The following SOX6 variants were observed in gnomAD, a reference collection of about 807,000 sequenced individuals.
SOX6 encodes the protein SRY-box transcription factor 6, also known as transcription factor SOX-6.
A neutral mutation model predicts 97.8 loss-of-function variants in SOX6; 11 were observed. That is an observed-to-expected ratio of 0.11 (90% CI 0.07 to 0.19). The LOEUF (loss-of-function observed/expected upper bound fraction) is 0.19. Ranked by LOEUF, SOX6 falls within the 10% of genes least tolerant of loss-of-function variation. SOX6 has a pLI of 1.00. For missense variants in SOX6, 810 were observed against 1,039.5 expected (o/e 0.78, Z 3.04); for synonymous variants, 360 against 371.4 (o/e 0.97, Z 0.35).
At chr11:16,464,529 A>T (rs577668843) in intron 1 of SOX6, among the ~76,000 whole-genome samples, 4 of 152,178 alleles carry the variant, frequency 2.6e-5, no homozygotes, top group African/African-American at 9.6e-5. Context: ...AAGAATATTC[A>T]TTACACTGTA....
At chr11:15,991,469 G>A (rs1021893632) in intron 13 of SOX6, among the ~76,000 whole-genome samples, 1 of 152,142 alleles carries the variant, frequency 6.6e-6, no homozygotes, top group Admixed American at 6.5e-5. Flanking sequence ...AATTTATGAT[G>A]CCCTCAGTGC....
Position 15,970,368 on chromosome 11 carries a change from G to C in SOX6, c.*2441C>G, listed in dbSNP as rs576277326. On this transcript the variant is annotated 3_prime_UTR_variant, in exon 16 of 16. Coordinates refer to ENST00000683767, the MANE Select transcript of SOX6 (RefSeq NM_001367873.1). ...ACAAAATTAACCTACTATGCTAAATGTTTGCTTTTGTGCAAAATTAATTAC... is the reference window on the plus strand; with the variant it reads ...ACAAAATTAACCTACTATGCTAAATCTTTGCTTTTGTGCAAAATTAATTAC... 6.6e-6 allele frequency: 1 copy of C among 152,574 alleles called. No individual in the cohort carries two copies. Among genetic ancestry groups the C allele is most frequent in the African/African-American group, 2.4e-5 (1 of 41,514 alleles). 9.5% of individuals were successfully genotyped at this position (152,574 alleles called of 1,614,324 possible).
chr11:16,152,565 C>CCAT (rs1850485870), intron 6 of SOX6, among the ~76,000 whole-genome samples: 3 of 152,166 alleles, frequency 2.0e-5, no homozygotes, highest in African/African-American at 4.8e-5. Flanking sequence ...ATACAGGCTA[C>CCAT]TGATCTGAAC....
At chr11:16,185,429 T>C (rs1851445240) in intron 5 of SOX6, among the ~76,000 whole-genome samples, 1 of 152,154 alleles carries the variant, frequency 6.6e-6, no homozygotes, top group African/African-American at 2.4e-5. Context: ...CCCTCCTAAA[T>C]GATAAAGTGC....
chr11:16,082,618 TAC>T (rs1388427444), intron 9 of SOX6, among the ~76,000 whole-genome samples: 2 of 152,188 alleles, frequency 1.3e-5, no homozygotes, highest in Non-Finnish European at 2.9e-5. Context: ...ACACTATTTG[TAC>T]AGTCTCATTT....
At chr11:15,974,852 C>G (rs1853426943) in intron 15 of SOX6, among the ~76,000 whole-genome samples, 1 of 152,172 alleles carries the variant, frequency 6.6e-6, no homozygotes, top group Non-Finnish European at 1.5e-5. Flanking sequence ...TATACCAACT[C>G]ACCCAATTAA....
intron 1 of SOX6, among the ~76,000 whole-genome samples, chr11:16,348,067 G>A (rs1464804309): frequency 6.6e-6 from 1 of 151,790 alleles, no homozygotes; most frequent in African/African-American, 2.4e-5. Context: ...AGGGGAAAAG[G>A]GGAGAAGGTA....
intron 4 of SOX6, among the ~76,000 whole-genome samples, chr11:16,491,224 T>C (rs1270135351): frequency 6.6e-6 from 1 of 152,158 alleles, no homozygotes; most frequent in African/African-American, 2.4e-5. Context: ...AAACTATATA[T>C]TGCTTTTCTA....
intron 3 of SOX6, among the ~76,000 whole-genome samples, chr11:16,625,262 T>A (rs938213972): frequency 6.6e-6 from 1 of 152,232 alleles, no homozygotes; most frequent in Non-Finnish European, 1.5e-5. Context: ...AGAGATTTTA[T>A]AGTTTTATCT....
At chr11:16,588,502 C>T (rs925733039) in intron 4 of SOX6, among the ~76,000 whole-genome samples, 1 of 152,106 alleles carries the variant, frequency 6.6e-6, no homozygotes, top group African/African-American at 2.4e-5. Context: ...CTGTCCTTTC[C>T]CAGCTTCTGC....
chr11:16,345,094 T>C (rs1198847627), intron 1 of SOX6, among the ~76,000 whole-genome samples: 1 of 151,972 alleles, frequency 6.6e-6, no homozygotes, highest in African/African-American at 2.4e-5. Context: ...TAAAAGGAGA[T>C]GCAACAGATT....
intron 4 of SOX6, among the ~76,000 whole-genome samples, chr11:16,603,233 T>TA (rs1848292550): frequency 6.6e-6 from 1 of 151,986 alleles, no homozygotes. Context: ...CTGCACAGGG[T>TA]AACAGAGGGA....
rs1301696048 is a variant in SOX6 at position 16,605,698 on chromosome 11, C to G, written n.609+6383G>C. 6.6e-6 allele frequency among the ~76,000 whole-genome samples: 1 copy of G among 151,938 alleles called. No homozygotes were observed. Among genetic ancestry groups the G allele is most frequent in the Non-Finnish European group, 1.5e-5 (1 of 67,996 alleles). ...GCCCGCCCTCAACCAGTGTCAACCC[C>G]ACAAACAGCCTAAGTTTCCAAACCG... is the stretch of plus-strand genomic sequence containing the variant. On this transcript the variant is annotated intron_variant and non_coding_transcript_variant, in intron 4 of 5. Transcript: ENST00000524520. This position sits in a 1 kb window ranked among gnomAD's most constrained non-coding sequence, Gnocchi z 5.3.
At chr11:16,661,213 G>C (rs1418627115) in intron 3 of SOX6, among the ~76,000 whole-genome samples, 1 of 152,172 alleles carries the variant, frequency 6.6e-6, no homozygotes, top group East Asian at 1.9e-4. Flanking sequence ...CTTTATTCCT[G>C]ATAGTTTTTC....
intron 3 of SOX6, among the ~76,000 whole-genome samples, chr11:16,636,497 A>G (rs1200731968): frequency 3.3e-5 from 5 of 152,298 alleles, no homozygotes; most frequent in East Asian, 3.9e-4. Context: ...CTTGTCTCAA[A>G]TAAGACTTTG....
intron 1 of SOX6, among the ~76,000 whole-genome samples, chr11:16,387,994 G>A (rs1313375193): frequency 6.6e-6 from 1 of 152,108 alleles, no homozygotes; most frequent in East Asian, 1.9e-4. Context: ...TAGGATGAAT[G>A]AGCATGGACA....
At chr11:15,992,742 G>T (rs896235118) in intron 13 of SOX6, among the ~76,000 whole-genome samples, 1 of 152,076 alleles carries the variant, frequency 6.6e-6, no homozygotes, top group African/African-American at 2.4e-5. Flanking sequence ...CATATTGAAG[G>T]TTTCTGCTTT....
chr11:16,258,823 A>ATG (rs1420888393), intron 3 of SOX6, among the ~76,000 whole-genome samples: 2 of 130,108 alleles, frequency 1.5e-5, no homozygotes, highest in East Asian at 4.6e-4. Context: ...GGCTATATAC[A>ATG]TGTATATACA....
chr11:16,264,545 C>T (rs1013277808), intron 3 of SOX6: 3 of 151,764 alleles, frequency 2.0e-5, no homozygotes, highest in Admixed American at 6.6e-5. Context: ...TTTTGCATAT[C>T]TTTTTTCATA....
Sources: allele counts gnomAD v4.1 joint callset (sites outside exome capture counted in the v4.1 genomes callset), GRCh38; gene constraint gnomAD v4.1.1; non-coding constraint Gnocchi (gnomAD v3.1); transcripts MANE v1.5; gene names NCBI Gene and HGNC (gene_info 2026-07-23, HGNC 2026-07-21).